Variants in INTS10 observed in about 807,000 individuals in gnomAD.
INTS10 encodes the protein integrator complex subunit 10.
In INTS10, 44 loss-of-function variants were observed where a neutral mutation model predicts 94.4. The ratio of observed to expected loss-of-function variants is 0.47; its 90% CI spans 0.37 to 0.60. The LOEUF (loss-of-function observed/expected upper bound fraction) is 0.60. INTS10 is among the 20% of genes least tolerant of loss of function. The probability of loss-of-function intolerance (pLI) is 0.00; values close to 1 mark genes in which losing one functional copy is unlikely to be tolerated. For missense variants in INTS10, 797 were observed against 868.7 expected (o/e 0.92, Z 1.04); for synonymous variants, 341 against 320.7 (o/e 1.06, Z -0.68).
chr8:19,818,591 T>C, intron 2 of INTS10: 2 of 513,020 alleles, frequency 3.9e-6, no homozygotes, highest in Non-Finnish European at 7.0e-6. Flanking sequence ...CTAGAAATAA[T>C]ATGTGCTCAT....
In INTS10 at chr8:19,844,235, A is replaced by G; in HGVS notation, c.1879A>G (p.Thr627Ala). The G allele has an allele frequency of 6.3e-7, 1 of 1,599,890 alleles. No individual in the cohort carries two copies. The highest frequency in any genetic ancestry group is 8.6e-7 in the Non-Finnish European group (1 of 1,167,988). ...FQYENFFNYV[T>A]NIDMLEEFAY... is the part of the protein sequence containing the mutation. ...ATATGAGAATTTTTTCAATTACGTT[A>G]CAAGTATCCTTTTTTCTTGTTTAAG... The change falls in exon 15 of 17, where the codon ACA becomes GCA. Residue 627 changes from threonine to alanine, a missense_variant. This residue lies in a region of INTS10 where 734 missense variants were observed against 787.8 expected (regional missense o/e 0.93). Transcript: ENST00000397977.
rs1384703180 is a variant in INTS10, at chr8:19,851,352, G to A, written c.1977-297G>A. On this transcript the variant is annotated intron_variant, in intron 16 of 16. Coordinates refer to ENST00000397977, the MANE Select transcript of INTS10 (RefSeq NM_018142.4). This position sits in a 1 kb window ranked among gnomAD's most constrained non-coding sequence, Gnocchi z 5.0. ...GAATTGTGTACCAGTCAGCAGTAGG[G>A]ATGCATAACACCAGAGCTTCATTGA... 2.0e-5 allele frequency among the ~76,000 whole-genome samples: 3 copies of A among 152,192 alleles called. No homozygotes were observed. The highest frequency in any genetic ancestry group is 4.4e-5 in the Non-Finnish European group (3 of 68,034).
intron 11 of INTS10, 84 bp from the exon 12 acceptor site, chr8:19,833,085 T>A (rs954882126): frequency 8.0e-7 from 1 of 1,249,038 alleles, no homozygotes; most frequent in African/African-American, 1.5e-5. Context: ...TGCTCGTTGC[T>A]TCGTGAACCC....
At chr8:19,822,221 C>A in intron 4 of INTS10, 1 of 364,432 alleles carries the variant, frequency 2.7e-6, no homozygotes, top group Non-Finnish European at 5.0e-6. Flanking sequence ...AAGAGAATAA[C>A]CAAGACAGAG....
At chr8:19,832,405 C>G (rs1417520939) in intron 11 of INTS10, among the ~76,000 whole-genome samples, 2 of 152,124 alleles carry the variant, frequency 1.3e-5, no homozygotes, top group African/African-American at 4.8e-5. Flanking sequence ...GACCCTGTCT[C>G]TACAAAATAA....
At position 19,837,130 on chromosome 8, in the gene INTS10, C is replaced by T. The variant is rs1283411484; in HGVS notation, c.1609C>T (p.Pro537Ser). The change falls in exon 13 of 17, where the codon CCC (proline) becomes TCC (serine). Residue 537 changes from proline (P) to serine (S), a missense_variant. Around this residue, in one of 3 missense-constraint regions of INTS10, gnomAD observed 734 missense variants for 787.8 expected, o/e 0.93. Transcript: ENST00000397977. ...IQDGGKSQEE[P>S]SKVKPKFRKG... ...AGATGGAGGCAAATCCCAGGAGGAA[C>T]CCTCGAAAGTAAAGCCCAAATTTAG... The T allele has an allele frequency of 1.2e-6, 2 of 1,612,376 alleles. No individual in the cohort carries two copies. The highest frequency in any genetic ancestry group is 2.2e-5 in the East Asian group (1 of 44,864).
chr8:19,817,952 G>A (rs1199599788), intron 1 of INTS10, among the ~76,000 whole-genome samples: 2 of 152,198 alleles, frequency 1.3e-5, no homozygotes, highest in Non-Finnish European at 2.9e-5. Flanking sequence ...GGCTCAGCGT[G>A]CCATCTGGCC....
chr8:19,828,143 C>G (rs768936782), intron 9 of INTS10, among the ~76,000 whole-genome samples: 2 of 152,124 alleles, frequency 1.3e-5, no homozygotes, highest in Non-Finnish European at 2.9e-5. Flanking sequence ...CTCAGGAGTT[C>G]AAGGTTCCAG....
In INTS10 at chr8:19,845,722, A is replaced by T; in HGVS notation, c.1901A>T (p.Glu634Val). 6.2e-7 allele frequency: 1 copy of T among 1,613,472 alleles called. No individual in the cohort carries two copies. Among genetic ancestry groups the T allele is most frequent in the Non-Finnish European group, 8.5e-7 (1 of 1,179,390 alleles). ...CCTGCAGATATTGATATGCTGGAGG[A>T]ATTTGCCTACTTGAGAACTCAGGAA... is the stretch of plus-strand genomic sequence containing the variant. Reference protein sequence around the residue: ...NYVTNIDMLEEFAYLRTQEGG... With the variant: ...NYVTNIDMLEVFAYLRTQEGG... Residue 634 changes from glutamate (E) to valine (V), a missense_variant, in exon 16 of 17, where the codon GAA (glutamate) becomes GTA (valine). Coordinates refer to ENST00000397977, the MANE Select transcript of INTS10 (RefSeq NM_018142.4).
At position 19,849,016 on chromosome 8, in the gene INTS10, C is replaced by T. The variant is rs1449977980; in HGVS notation, c.1977-2633C>T. ...GCTTCTCCCCAGTCTCCTTAAACACCCAGCCACGGCCAGGGGCTTGTTGAG... is the reference window on the plus strand; with the variant it reads ...GCTTCTCCCCAGTCTCCTTAAACACTCAGCCACGGCCAGGGGCTTGTTGAG... On this transcript the variant is annotated intron_variant, in intron 16 of 16. Transcript: ENST00000397977. The surrounding 1 kb of genome is among the most constrained non-coding windows in gnomAD (Gnocchi z 4.6). 4 of 325,240 alleles carry T rather than the reference C, an allele frequency of 1.2e-5. No individual in the cohort carries two copies. The highest frequency in any genetic ancestry group is 1.9e-5 in the Non-Finnish European group (3 of 155,650). 20.1% of individuals were successfully genotyped at this position (325,240 alleles called of 1,614,324 possible).
rs1402620083 is a variant in INTS10, at chr8:19,849,064, T to A, written c.1977-2585T>A. 2.1e-6 allele frequency: 1 copy of A among 482,992 alleles called. No homozygotes were observed. Among genetic ancestry groups the A allele is most frequent in the Non-Finnish European group, 3.8e-6 (1 of 265,944 alleles). 29.9% of individuals were successfully genotyped at this position (482,992 alleles called of 1,614,324 possible). ...GAGGTTAATGAGTTTCTGTTTAGTC[T>A]GCTTCTAGTCTTGTGTATTTTCTCT... On this transcript the variant is annotated intron_variant, in intron 16 of 16. Coordinates refer to ENST00000397977, the MANE Select transcript of INTS10 (RefSeq NM_018142.4). This position sits in a 1 kb window ranked among gnomAD's most constrained non-coding sequence, Gnocchi z 4.6.
In INTS10 at chr8:19,832,885, G is replaced by A. The variant is rs571578636; in HGVS notation, c.1378-284G>A. Among the ~76,000 whole-genome samples the A allele has an allele frequency of 6.0e-4, 92 of 152,278 alleles. 2 individuals are homozygous for A. The highest frequency in any genetic ancestry group is 6.0e-3 in the Admixed American group (92 of 15,288). Reference sequence around the variant, plus strand: ...CTAAAGAAATGTTATATCCAAATGTGCTGGATCACAGGGCCTGGTTATTTT... The same window carrying A: ...CTAAAGAAATGTTATATCCAAATGTACTGGATCACAGGGCCTGGTTATTTT... On this transcript the variant is annotated intron_variant, in intron 11 of 16. Transcript: ENST00000397977.
intron 1 of INTS10, 83 bp from the exon 2 acceptor site, chr8:19,818,192 A>G (rs774905123): frequency 9.8e-6 from 13 of 1,320,124 alleles, no homozygotes; most frequent in African/African-American, 1.4e-5. Flanking sequence ...CCCTTCCTGC[A>G]GGAGGGCCAA....
chr8:19,843,028 C>A lies in INTS10; in HGVS notation c.1719+101C>A. ...CTTGCTAAGGATTGTTATTTTAGTA[C>A]TTTTGAGGGCAGGCCCAAACAGTTA... On this transcript the variant is annotated intron_variant, in intron 14 of 16. Coordinates refer to ENST00000397977, the MANE Select transcript of INTS10 (RefSeq NM_018142.4). This position sits in a 1 kb window ranked among gnomAD's most constrained non-coding sequence, Gnocchi z 4.7. 1.2e-6 allele frequency: 1 copy of A among 824,874 alleles called. No individual in the cohort carries two copies. The highest frequency in any genetic ancestry group is 2.0e-6 in the Non-Finnish European group (1 of 490,448). 51.1% of individuals were successfully genotyped at this position (824,874 alleles called of 1,614,324 possible).
In INTS10 at chr8:19,823,971, C is replaced by T. The variant is rs267601844; in HGVS notation, c.763C>T (p.Pro255Ser). 11 of 1,612,852 alleles carry T rather than the reference C, an allele frequency of 6.8e-6. No individual in the cohort carries two copies. Among genetic ancestry groups the T allele is most frequent in the African/African-American group, 1.3e-5 (1 of 74,888 alleles). ...LTEKSSQIVD[P>S]WERLFKILNV... ...GGAAAAATCATCCCAGATCGTGGAC[C>T]CTTGGGAGAGGTTGTTTAAGATTTT... Residue 255 changes from proline to serine, a missense_variant, in exon 7 of 17, where the codon CCT (proline) becomes TCT (serine). Pro to Ser is a moderately conservative substitution (Grantham distance 74, BLOSUM62 -1). Transcript: ENST00000397977.
intron 13 of INTS10, among the ~76,000 whole-genome samples, chr8:19,838,324 C>G (rs2067836141): frequency 6.6e-6 from 1 of 152,096 alleles, no homozygotes; most frequent in Non-Finnish European, 1.5e-5. Context: ...CCACTGCACT[C>G]TAGCCTGGTC....
At chr8:19,818,065 C>G in intron 1 of INTS10, 1 of 608,164 alleles carries the variant, frequency 1.6e-6, no homozygotes, top group Non-Finnish European at 2.9e-6. Context: ...TATTATCCTA[C>G]TTAATCCTGG....
At chr8:19,818,406 C>T (rs1335729805) in intron 2 of INTS10, 64 bp downstream of exon 2, 2 of 1,517,688 alleles carry the variant, frequency 1.3e-6, no homozygotes, top group Admixed American at 1.7e-5. Flanking sequence ...TTGTTTCTCT[C>T]TGCAGAAGTG....
In INTS10 at chr8:19,824,066, G is replaced by C. The variant is rs2066602969; in HGVS notation, c.836+22G>C. 7.1e-6 allele frequency: 11 copies of C among 1,548,980 alleles called. No homozygotes were observed. The East Asian group carries it at 2.5e-4, about 36-fold the overall frequency. On this transcript the variant is annotated intron_variant, in intron 7 of 16. Transcript: ENST00000397977. ...GACGGTAATAAATAGCTTATTTCCA[G>C]AATTGCCTATTGATTCTTTTGGATC...
Sources: gnomAD v4.1 joint callset for allele counts (sites outside exome capture counted in the v4.1 genomes callset) on GRCh38, gnomAD v4.1.1 for gene constraint, gnomAD v4.1.1 regional missense constraint, Gnocchi (gnomAD v3.1) non-coding constraint, MANE v1.5 for transcripts, NCBI Gene and HGNC (gene_info 2026-07-23, HGNC 2026-07-21) for gene names.